UHRF2: variants seen among roughly 807,000 people sequenced by gnomAD.
UHRF2 encodes the protein E3 ubiquitin-protein ligase UHRF2.
Under a neutral mutation model 96.8 loss-of-function variants are expected in UHRF2, and 23 were observed. The ratio of observed to expected loss-of-function variants is 0.24; its 90% CI spans 0.17 to 0.34. UHRF2 has a LOEUF of 0.34. Among genes scored for constraint, UHRF2 ranks in the 10% least tolerant of loss-of-function variants. The pLI is 1.00. For synonymous variants in UHRF2, 385 were observed against 332.6 expected, an observed-to-expected ratio of 1.16 and a Z score of -1.72; for missense variants, 685 against 981.5, an observed-to-expected ratio of 0.70 and a Z score of 4.04.
intron 3 of UHRF2, among the ~76,000 whole-genome samples, chr9:6,446,536 C>T (rs1456201133): frequency 1.3e-5 from 2 of 151,990 alleles, no homozygotes; most frequent in African/African-American, 4.8e-5. Context: ...CTGCCTCAGC[C>T]CCGGTCTACA....
intron 8 of UHRF2, among the ~76,000 whole-genome samples, chr9:6,483,107 C>G (rs1444113582): frequency 6.6e-6 from 1 of 151,970 alleles, no homozygotes; most frequent in Non-Finnish European, 1.5e-5. Context: ...AGCCAGATCG[C>G]TTGAGGCCAG....
In UHRF2 at chr9:6,460,554, T is replaced by C. The variant is rs375444688; in HGVS notation, c.645-19T>C. 6.5e-5 allele frequency: 102 copies of C among 1,576,798 alleles called. No homozygotes were observed. Among genetic ancestry groups the C allele is most frequent in the Non-Finnish European group, 8.2e-5 (95 of 1,157,574 alleles). On this transcript the variant is annotated intron_variant, in intron 3 of 15. Transcript: ENST00000276893. ...TTGTCTTTGGTAATCATAAGCCATATGGTTTTCTCTCTCCTCAGATACCCA... is the reference window on the plus strand; with the variant it reads ...TTGTCTTTGGTAATCATAAGCCATACGGTTTTCTCTCTCCTCAGATACCCA...
intron 3 of UHRF2, among the ~76,000 whole-genome samples, chr9:6,458,446 G>C (rs1415941083): frequency 6.7e-6 from 1 of 150,090 alleles, no homozygotes; most frequent in Non-Finnish European, 1.5e-5. Context: ...CCAGCTCCTG[G>C]ATTGTTGATT....
At chr9:6,490,064 T>G (rs1244690049) in intron 9 of UHRF2, among the ~76,000 whole-genome samples, 4 of 152,218 alleles carry the variant, frequency 2.6e-5, no homozygotes, top group Non-Finnish European at 5.9e-5. Flanking sequence ...TCTTGGAATT[T>G]TTTGAAGGCT....
intron 3 of UHRF2, among the ~76,000 whole-genome samples, chr9:6,458,990 T>C (rs1456830785): frequency 1.3e-5 from 2 of 152,088 alleles, no homozygotes; most frequent in Non-Finnish European, 2.9e-5. Context: ...CACCACATGT[T>C]CTCACTCATA....
intron 6 of UHRF2, among the ~76,000 whole-genome samples, chr9:6,478,565 A>G (rs1005109625): frequency 6.6e-6 from 1 of 152,224 alleles, no homozygotes; most frequent in African/African-American, 2.4e-5. Flanking sequence ...AAGTTATTAG[A>G]AAAGAGACTG....
chr9:6,478,989 T>C (rs1440676747), intron 6 of UHRF2, among the ~76,000 whole-genome samples: 1 of 152,190 alleles, frequency 6.6e-6, no homozygotes, highest in African/African-American at 2.4e-5. Context: ...TCACCTGCTC[T>C]CACAGTTCCA....
intron 4 of UHRF2, among the ~76,000 whole-genome samples, chr9:6,473,316 G>A (rs1436609420): frequency 6.6e-6 from 1 of 152,160 alleles, no homozygotes; most frequent in Non-Finnish European, 1.5e-5. Flanking sequence ...AGTCAGTATG[G>A]AAGTTGTTAG....
chr9:6,487,451 C>T (rs987660718), intron 9 of UHRF2, among the ~76,000 whole-genome samples: 1 of 152,094 alleles, frequency 6.6e-6, no homozygotes, highest in Non-Finnish European at 1.5e-5. Flanking sequence ...ACTGCAATCT[C>T]CTCCTCCCAG....
chr9:6,441,732 C>T (rs1821176603), intron 3 of UHRF2, among the ~76,000 whole-genome samples: 1 of 150,360 alleles, frequency 6.7e-6, no homozygotes, highest in African/African-American at 2.5e-5. Context: ...TGGTTTGTGG[C>T]CGGTTTTTTT....
At chr9:6,456,577 T>C (rs1822192627) in intron 3 of UHRF2, among the ~76,000 whole-genome samples, 1 of 152,218 alleles carries the variant, frequency 6.6e-6, no homozygotes, top group South Asian at 2.1e-4. Context: ...TTGCCGTTGC[T>C]TTTGGTGTTT....
At chr9:6,473,520 A>G (rs1196938339) in intron 4 of UHRF2, among the ~76,000 whole-genome samples, 3 of 152,230 alleles carry the variant, frequency 2.0e-5, no homozygotes, top group African/African-American at 7.2e-5. Context: ...GGCATTGAGC[A>G]TTAGTAGCTG....
intron 4 of UHRF2, among the ~76,000 whole-genome samples, chr9:6,464,910 A>G (rs1822768473): frequency 1.3e-5 from 2 of 152,176 alleles, no homozygotes; most frequent in African/African-American, 4.8e-5. Flanking sequence ...TTTCTGGTAT[A>G]TAGGAATACA....
intron 2 of UHRF2, among the ~76,000 whole-genome samples, chr9:6,428,384 C>T (rs975364375): frequency 5.3e-5 from 8 of 152,052 alleles, no homozygotes; most frequent in East Asian, 3.9e-4. Context: ...ACCCAGACTT[C>T]TATGGTAATC....
intron 3 of UHRF2, among the ~76,000 whole-genome samples, chr9:6,440,470 A>G (rs1366683193): frequency 6.6e-6 from 1 of 152,224 alleles, no homozygotes; most frequent in Non-Finnish European, 1.5e-5. Context: ...TTCAGCACAG[A>G]CATGGTACAT....
Position 6,413,367 on chromosome 9 carries a change from G to A in UHRF2, c.-124G>A. The A allele has an allele frequency of 6.9e-6, 7 of 1,018,796 alleles. No homozygotes were observed. The highest frequency in any genetic ancestry group is 8.7e-6 in the Non-Finnish European group (7 of 807,538). The allele number at this position is 1,018,796 out of a possible 1,614,324, so 63.1% of individuals were successfully genotyped here. A position where few individuals can be genotyped will look rare whatever the true frequency, so the allele number is the denominator to read the frequency against. On this transcript the variant is annotated 5_prime_UTR_variant, in exon 1 of 16. Transcript: ENST00000276893. Reference sequence around the variant, plus strand: ...GGGCCCGGCGTCCGGTCGGTCCGGTGGGCGCGCTCGCCCGCCTGCCGCTGA... The same window carrying A: ...GGGCCCGGCGTCCGGTCGGTCCGGTAGGCGCGCTCGCCCGCCTGCCGCTGA...
intron 4 of UHRF2, among the ~76,000 whole-genome samples, chr9:6,471,637 T>G (rs757875958): frequency 4.6e-5 from 7 of 152,208 alleles, no homozygotes; most frequent in Non-Finnish European, 7.3e-5. Context: ...ACTGCACCCC[T>G]GACCAATGGC....
intron 3 of UHRF2, among the ~76,000 whole-genome samples, chr9:6,439,665 G>T (rs1347143827): frequency 5.9e-5 from 9 of 152,156 alleles, no homozygotes; most frequent in Non-Finnish European, 1.3e-4. Flanking sequence ...AACCTAATCA[G>T]TACTCAGGGA....
chr9:6,443,260 T>A (rs989084168), intron 3 of UHRF2, among the ~76,000 whole-genome samples: 8 of 152,238 alleles, frequency 5.3e-5, no homozygotes, highest in African/African-American at 1.9e-4. Context: ...ATAATTCTCT[T>A]GTTAAAATAA....
Sources: gnomAD v4.1 joint callset for allele counts (sites outside exome capture counted in the v4.1 genomes callset) on GRCh38, gnomAD v4.1.1 for gene constraint, MANE v1.5 for transcripts, NCBI Gene and HGNC (gene_info 2026-07-23, HGNC 2026-07-21) for gene names.